The following NGEF variants were observed in gnomAD, a reference collection of about 807,000 sequenced individuals.
The protein encoded by NGEF is neuronal guanine nucleotide exchange factor, also known as ephexin-1.
In NGEF, 31 loss-of-function variants were observed where a neutral mutation model predicts 80.9. The ratio of observed to expected loss-of-function variants is 0.38; its 90% CI spans 0.29 to 0.52. The LOEUF (loss-of-function observed/expected upper bound fraction) is 0.52. NGEF is among the 20% of genes least tolerant of loss of function. NGEF has a pLI of 0.84. For synonymous variants in NGEF, 371 were observed against 370.2 expected (o/e 1.00, Z -0.03); for missense variants, 709 against 926.2 (o/e 0.77, Z 3.04).
intron 1 of NGEF, among the ~76,000 whole-genome samples, chr2:232,996,288 G>A (rs757314307): frequency 3.3e-5 from 5 of 151,998 alleles, no homozygotes; most frequent in South Asian, 4.2e-4. Flanking sequence ...AGATTGTGCC[G>A]CTGCACTCCA....
chr2:232,885,143 G>T, intron 10 of NGEF, 137 bp downstream of exon 10: 1 of 738,666 alleles, frequency 1.4e-6, no homozygotes, highest in Non-Finnish European at 2.3e-6. Flanking sequence ...GGGGAGGTCA[G>T]GGGGCAGAGG....
At chr2:232,928,083 G>A in intron 3 of NGEF, 2 of 1,113,890 alleles carry the variant, frequency 1.8e-6, no homozygotes, top group Non-Finnish European at 2.2e-6. Context: ...CTAGCGGGCT[G>A]CGGAGCGGGG....
chr2:232,974,540 T>C, intron 2 of NGEF, 83 bp downstream of exon 2: 1 of 1,463,044 alleles, frequency 6.8e-7, no homozygotes, highest in Non-Finnish European at 9.3e-7. Context: ...ACTTATCCTT[T>C]CTCATTTAAT....
Position 232,884,501 on chromosome 2 carries a change from G to A in NGEF, c.1438-357C>T, listed in dbSNP as rs1309462829. On this transcript the variant is annotated intron_variant, in intron 10 of 14. Coordinates refer to ENST00000264051, the MANE Select transcript of NGEF (RefSeq NM_019850.3). Reference sequence around the variant, plus strand: ...ATGTGTGCACTGCTGTGTGGATACCGTGTGTGTGCCTGTGAGTGTGGCAGC... The same window carrying A: ...ATGTGTGCACTGCTGTGTGGATACCATGTGTGTGCCTGTGAGTGTGGCAGC... Among the ~76,000 whole-genome samples, 10 of 152,194 alleles carry A rather than the reference G, an allele frequency of 6.6e-5. 1 individual carries two copies. In the East Asian group the frequency reaches 1.3e-3, roughly 21 times the overall value.
intron 13 of NGEF, 131 bp from the exon 14 acceptor site, chr2:232,881,381 G>A: frequency 1.5e-6 from 1 of 662,432 alleles, no homozygotes; most frequent in Non-Finnish European, 2.6e-6. Context: ...CTCGTCTGAG[G>A]AAGAGGAGGA....
chr2:233,005,281 A>T (rs1695062133), intron 1 of NGEF, among the ~76,000 whole-genome samples: 1 of 152,192 alleles, frequency 6.6e-6, no homozygotes, highest in Non-Finnish European at 1.5e-5. Context: ...CGCTCCGCAG[A>T]TGTGTTCCCA....
At chr2:232,949,817 GT>G (rs540579976) in intron 3 of NGEF, among the ~76,000 whole-genome samples, 112 of 132,812 alleles carry the variant, frequency 8.4e-4, no homozygotes, top group Non-Finnish European at 7.4e-4. Context: ...TAAATTTTTG[GT>G]TTTTTTTTTT....
At chr2:233,009,918 T>C (rs1426084427) in intron 1 of NGEF, among the ~76,000 whole-genome samples, 1 of 152,154 alleles carries the variant, frequency 6.6e-6, no homozygotes, top group Non-Finnish European at 1.5e-5. Context: ...TTTTTTTGAA[T>C]TGGAGTCTTC....
chr2:233,013,124 C>G lies in NGEF; in HGVS notation c.-131G>C, dbSNP rs982753678. 1 of 471,182 alleles carries G rather than the reference C, an allele frequency of 2.1e-6. No individual in the cohort carries two copies. Among genetic ancestry groups the G allele is most frequent in the East Asian group, 6.9e-5 (1 of 14,414 alleles). The allele number at this position is 471,182 out of a possible 1,614,324, so 29.2% of individuals were successfully genotyped here. On this transcript the variant is annotated 5_prime_UTR_variant, in exon 1 of 15. Transcript: ENST00000264051. ...TCCTCAGAGAGTGTTCCTCCCTCGT[C>G]CCCTGTCCTGTCCAGGCACCTGCGA...
intron 3 of NGEF, among the ~76,000 whole-genome samples, chr2:232,942,438 G>T (rs747182492): frequency 6.2e-4 from 94 of 152,356 alleles, no homozygotes; most frequent in Middle Eastern, 6.8e-3. Context: ...TTTAGGGATT[G>T]TCGGGTTCCT....
At chr2:232,952,988 A>C (rs1693709015) in intron 3 of NGEF, among the ~76,000 whole-genome samples, 1 of 144,922 alleles carries the variant, frequency 6.9e-6, no homozygotes, top group Non-Finnish European at 1.5e-5. Flanking sequence ...AAAAAAAAAA[A>C]AAAAAAAAAA....
At chr2:233,009,608 G>A (rs1695160139) in intron 1 of NGEF, among the ~76,000 whole-genome samples, 1 of 151,852 alleles carries the variant, frequency 6.6e-6, no homozygotes, top group East Asian at 1.9e-4. Context: ...GGATGAGCCT[G>A]GGCAAGATGG....
chr2:232,900,768 G>A lies in NGEF; in HGVS notation c.829-5852C>T, dbSNP rs942630089. Among the ~76,000 whole-genome samples the A allele has an allele frequency of 1.4e-3, 9 of 6,260 alleles. 1 individual carries two copies. The highest frequency in any genetic ancestry group is 0.019 in the East Asian group (2 of 106). The allele number at this position is 6,260 out of a possible 152,430, so 4.1% of individuals were successfully genotyped here. A position where few individuals can be genotyped will look rare whatever the true frequency, so the allele number is the denominator to read the frequency against. Reference sequence around the variant, plus strand: ...CACTCACATTCACTCACACACACACGCTCTCACACTCATGCACACATTCAC... The same window carrying A: ...CACTCACATTCACTCACACACACACACTCTCACACTCATGCACACATTCAC... On this transcript the variant is annotated intron_variant, in intron 5 of 14. Coordinates refer to ENST00000264051, the MANE Select transcript of NGEF (RefSeq NM_019850.3).
intron 3 of NGEF, among the ~76,000 whole-genome samples, chr2:232,962,619 T>G (rs983306952): frequency 5.3e-5 from 8 of 151,884 alleles, no homozygotes; most frequent in African/African-American, 1.9e-4. Flanking sequence ...TAATTTTATT[T>G]TTACATACTA....
chr2:232,949,598 C>T (rs1693635255), intron 3 of NGEF, among the ~76,000 whole-genome samples: 1 of 151,726 alleles, frequency 6.6e-6, no homozygotes, highest in Admixed American at 6.6e-5. Context: ...CTGCCTCAGC[C>T]TCCCTAGTAG....
intron 1 of NGEF, among the ~76,000 whole-genome samples, chr2:233,010,985 G>A (rs560735380): frequency 6.6e-6 from 1 of 152,110 alleles, no homozygotes; most frequent in African/African-American, 2.4e-5. Context: ...CGGGGAGAAG[G>A]GGGGTCTGAA....
intron 1 of NGEF, among the ~76,000 whole-genome samples, chr2:232,982,475 G>A (rs1341570827): frequency 1.3e-5 from 2 of 152,146 alleles, no homozygotes; most frequent in Admixed American, 6.5e-5. Context: ...TCCTTGAATT[G>A]GTACGTTAGC....
intron 3 of NGEF, among the ~76,000 whole-genome samples, chr2:232,932,163 CTT>C (rs397988249): frequency 6.1e-5 from 7 of 115,572 alleles, no homozygotes; most frequent in Non-Finnish European, 1.0e-4. Flanking sequence ...AATCACCTTT[CTT>C]TTTTTTTTTT....
intron 3 of NGEF, among the ~76,000 whole-genome samples, chr2:232,944,517 A>G (rs1693509500): frequency 6.6e-6 from 1 of 151,994 alleles, no homozygotes; most frequent in Admixed American, 6.6e-5. Flanking sequence ...TGGGACTGAA[A>G]TTAAGTGATT....
Sources: allele counts gnomAD v4.1 joint callset (sites outside exome capture counted in the v4.1 genomes callset), GRCh38; gene constraint gnomAD v4.1.1; transcripts MANE v1.5; gene names NCBI Gene and HGNC (gene_info 2026-07-23, HGNC 2026-07-21).